Variants in CHST11 observed in about 807,000 individuals in gnomAD.
CHST11 encodes C4S-1.
Under a neutral mutation model 30.4 loss-of-function variants are expected in CHST11, and 9 were observed. The ratio of observed to expected loss-of-function variants is 0.30; its 90% CI spans 0.18 to 0.52. The LOEUF (loss-of-function observed/expected upper bound fraction) is 0.52, where lower values mean the gene tolerates loss of function less well. Among genes scored for constraint, CHST11 ranks in the 20% least tolerant of loss-of-function variants. The probability of loss-of-function intolerance (pLI) is 0.97; values close to 1 mark genes in which losing one functional copy is unlikely to be tolerated. For missense variants in CHST11, 348 were observed against 460.6 expected (o/e 0.76, Z 2.24); for synonymous variants, 152 against 187.8 (o/e 0.81, Z 1.56).
At chr12:104,526,133 AC>A (rs1417437430) in intron 1 of CHST11, among the ~76,000 whole-genome samples, 1 of 151,872 alleles carries the variant, frequency 6.6e-6, no homozygotes, top group Non-Finnish European at 1.5e-5. Flanking sequence ...TTTCTTGTTG[AC>A]CAGTGAGTTG....
At position 104,663,298 on chromosome 12, in the gene CHST11, T is replaced by C. The variant is rs536587549; in HGVS notation, c.204+61307T>C. ...GGTTTGTTTTGTGAATACTTTTTCT[T>C]CTCTGGCATCATCAGAGATTTCTTG... is the stretch of plus-strand genomic sequence containing the variant. On this transcript the variant is annotated intron_variant, in intron 2 of 2. Coordinates refer to ENST00000303694, the MANE Select transcript of CHST11 (RefSeq NM_018413.6). Among the ~76,000 whole-genome samples the C allele has an allele frequency of 1.3e-3, 195 of 152,382 alleles. 2 individuals are homozygous for C. Among genetic ancestry groups the C allele is most frequent in the African/African-American group, 3.8e-3 (157 of 41,588 alleles).
chr12:104,477,810 T>A (rs895832627), intron 1 of CHST11, among the ~76,000 whole-genome samples: 5 of 152,190 alleles, frequency 3.3e-5, no homozygotes, highest in African/African-American at 1.2e-4. Flanking sequence ...CAAGGAACGA[T>A]CCTTGAGCTG....
In CHST11 at chr12:104,524,483, CAG is replaced by C. The variant is rs143196187; in HGVS notation, c.118+66958_118+66959del. Among the ~76,000 whole-genome samples, 377 of 152,304 alleles carry C rather than the reference CAG, an allele frequency of 2.5e-3. 1 individual carries two copies. Among genetic ancestry groups the C allele is most frequent in the African/African-American group, 8.8e-3 (366 of 41,576 alleles). ...ACACGTATAGGGAATGAGTTCTTGA[CAG>C]AGAATTTCAGTATTTAACCATTGGT... is the stretch of plus-strand genomic sequence containing the variant. On this transcript the variant is annotated intron_variant, in intron 1 of 2. Coordinates refer to ENST00000303694, the MANE Select transcript of CHST11 (RefSeq NM_018413.6).
At chr12:104,672,399 A>G (rs1431142903) in intron 2 of CHST11, among the ~76,000 whole-genome samples, 2 of 152,220 alleles carry the variant, frequency 1.3e-5, no homozygotes, top group Non-Finnish European at 2.9e-5. Context: ...CCAGAAATGG[A>G]GAATAAAGAG....
intron 2 of CHST11, among the ~76,000 whole-genome samples, chr12:104,728,941 A>G (rs890827987): frequency 2.6e-5 from 4 of 152,226 alleles, no homozygotes; most frequent in Admixed American, 2.0e-4. Flanking sequence ...TAATTGTCAG[A>G]TGGAAAAATG....
intron 2 of CHST11, among the ~76,000 whole-genome samples, chr12:104,711,548 A>G (rs2040088113): frequency 6.6e-6 from 1 of 152,098 alleles, no homozygotes; most frequent in South Asian, 2.1e-4. Flanking sequence ...CCAATTTATA[A>G]TTGAATCCAA....
chr12:104,719,915 C>A (rs2040160374), intron 2 of CHST11, among the ~76,000 whole-genome samples: 1 of 152,232 alleles, frequency 6.6e-6, no homozygotes, highest in Non-Finnish European at 1.5e-5. Flanking sequence ...CCTTGTCTTG[C>A]ACCCATTTCC....
chr12:104,590,297 T>C (rs895479736), intron 1 of CHST11, among the ~76,000 whole-genome samples: 4 of 152,194 alleles, frequency 2.6e-5, no homozygotes, highest in African/African-American at 9.7e-5. Flanking sequence ...CAGGCCCCTT[T>C]GTAGGAGAAT....
intron 1 of CHST11, among the ~76,000 whole-genome samples, chr12:104,524,578 C>G (rs1466703791): frequency 1.3e-5 from 2 of 152,136 alleles, no homozygotes; most frequent in African/African-American, 4.8e-5. Context: ...ATCCCTCCTT[C>G]CATTCATCCA....
intron 2 of CHST11, among the ~76,000 whole-genome samples, chr12:104,719,641 G>A (rs541140322): frequency 2.6e-5 from 4 of 152,324 alleles, no homozygotes; most frequent in Admixed American, 2.0e-4. Context: ...ACTGGCTGGC[G>A]TTATCAGCAT....
intron 1 of CHST11, among the ~76,000 whole-genome samples, chr12:104,593,366 T>G (rs1373155027): frequency 6.6e-6 from 1 of 152,190 alleles, no homozygotes; most frequent in Non-Finnish European, 1.5e-5. Flanking sequence ...GAATTGTCCC[T>G]GTGGGAGGGA....
chr12:104,592,975 A>C (rs2038875199), intron 1 of CHST11, among the ~76,000 whole-genome samples: 1 of 152,196 alleles, frequency 6.6e-6, no homozygotes, highest in Admixed American at 6.5e-5. Context: ...TAATGTATAC[A>C]CTATATTCTT....
intron 2 of CHST11, among the ~76,000 whole-genome samples, chr12:104,680,068 A>G (rs926230246): frequency 1.3e-5 from 2 of 152,218 alleles, no homozygotes; most frequent in Non-Finnish European, 2.9e-5. Context: ...CCAAGCATCA[A>G]CTGGACTCCT....
intron 2 of CHST11, among the ~76,000 whole-genome samples, chr12:104,665,812 CTTTTTTTTTTT>C (rs59199522): frequency 3.8e-5 from 3 of 78,848 alleles, no homozygotes; most frequent in African/African-American, 5.5e-5. Context: ...CTCTCTGTCT[CTTTTTTTTTTT>C]TTTTTTTTTT....
At chr12:104,658,214 A>C (rs970218029) in intron 2 of CHST11, among the ~76,000 whole-genome samples, 2 of 152,200 alleles carry the variant, frequency 1.3e-5, no homozygotes, top group African/African-American at 2.4e-5. Context: ...GAGGGACTTA[A>C]ATAGCAATTT....
intron 1 of CHST11, among the ~76,000 whole-genome samples, chr12:104,597,596 A>T (rs2038918843): frequency 6.6e-6 from 1 of 152,162 alleles, no homozygotes; most frequent in South Asian, 2.1e-4. Flanking sequence ...AAACCTTTTG[A>T]GTACCTACTA....
chr12:104,500,169 G>A lies in CHST11; in HGVS notation c.118+42640G>A, dbSNP rs1003875468. 2.6e-5 allele frequency among the ~76,000 whole-genome samples: 4 copies of A among 152,226 alleles called. No individual in the cohort carries two copies. The South Asian group carries it at 6.2e-4, about 24-fold the overall frequency. On this transcript the variant is annotated intron_variant, in intron 1 of 2. Transcript: ENST00000303694. ...AGTTCTTGCTTCATCTCCATAAAAC[G>A]TTGCTCTTGGGCTTTTTCCTGTTTT...
At chr12:104,616,624 C>T (rs1175400761) in intron 2 of CHST11, among the ~76,000 whole-genome samples, 1 of 152,162 alleles carries the variant, frequency 6.6e-6, no homozygotes, top group African/African-American at 2.4e-5. Flanking sequence ...CACCACCACG[C>T]CTGGCTAATT....
intron 2 of CHST11, among the ~76,000 whole-genome samples, chr12:104,720,272 T>G (rs2040163535): frequency 6.6e-6 from 1 of 152,260 alleles, no homozygotes; most frequent in Non-Finnish European, 1.5e-5. Flanking sequence ...CTCAATCTTA[T>G]GCAGTGGGTA....
Sources: allele counts gnomAD v4.1 joint callset (sites outside exome capture counted in the v4.1 genomes callset), GRCh38; gene constraint gnomAD v4.1.1; transcripts MANE v1.5; gene names NCBI Gene and HGNC (gene_info 2026-07-23, HGNC 2026-07-21).